Variants in SH3GL2 observed in about 807,000 individuals in gnomAD.
SH3GL2 encodes the protein endophilin-A1.
In SH3GL2, 24 loss-of-function variants were observed where a neutral mutation model predicts 46.0. The ratio of observed to expected loss-of-function variants is 0.52; its 90% CI spans 0.38 to 0.73. SH3GL2 has a LOEUF of 0.73. SH3GL2 is among the 30% of genes least tolerant of loss of function. The pLI, the probability that SH3GL2 is intolerant of heterozygous loss-of-function variation, is 0.00. For synonymous variants in SH3GL2, 196 were observed against 147.1 expected, an observed-to-expected ratio of 1.33 and a Z score of -2.40; for missense variants, 413 against 424.2, an observed-to-expected ratio of 0.97 and a Z score of 0.23.
chr9:17,785,016 A>AT (rs1823913598), intron 3 of SH3GL2, among the ~76,000 whole-genome samples: 2 of 152,306 alleles, frequency 1.3e-5, no homozygotes, highest in South Asian at 4.1e-4. Flanking sequence ...CTTAGCCTGC[A>AT]TTTTCTATTT....
At chr9:17,712,820 TATCCATCC>T (rs944601544) in intron 1 of SH3GL2, among the ~76,000 whole-genome samples, 5 of 151,590 alleles carry the variant, frequency 3.3e-5, no homozygotes, top group African/African-American at 9.7e-5. Flanking sequence ...TCTATCTGTA[TATCCATCC>T]ATCCATCCAA....
chr9:17,684,751 A>T (rs560345115), intron 1 of SH3GL2, among the ~76,000 whole-genome samples: 28 of 152,286 alleles, frequency 1.8e-4, no homozygotes, highest in African/African-American at 6.7e-4. Context: ...AGATGAGTCA[A>T]AGCAGACTTC....
chr9:17,653,352 A>G (rs1439341853), intron 1 of SH3GL2, among the ~76,000 whole-genome samples: 1 of 152,054 alleles, frequency 6.6e-6, no homozygotes, highest in African/African-American at 2.4e-5. Flanking sequence ...CCATCTGTTT[A>G]CTTTCCTCTA....
intron 3 of SH3GL2, among the ~76,000 whole-genome samples, chr9:17,770,896 C>T (rs1408733122): frequency 6.6e-6 from 1 of 152,158 alleles, no homozygotes; most frequent in Non-Finnish European, 1.5e-5. Flanking sequence ...TGGATGCAGA[C>T]TTCTCCCCTC....
chr9:17,695,783 T>A (rs73645139), intron 1 of SH3GL2, among the ~76,000 whole-genome samples: 28,364 of 149,126 alleles, frequency 0.19, 4,851 homozygotes, highest in African/African-American at 0.46. Context: ...CAGATTTTTT[T>A]AAAAATGGAA....
chr9:17,736,349 G>A (rs1822334953), intron 1 of SH3GL2, among the ~76,000 whole-genome samples: 1 of 151,934 alleles, frequency 6.6e-6, no homozygotes, highest in African/African-American at 2.4e-5. Flanking sequence ...TATATTTTTG[G>A]TCCTAATTTG....
chr9:17,614,543 A>G (rs1161448228), intron 1 of SH3GL2, among the ~76,000 whole-genome samples: 2 of 152,228 alleles, frequency 1.3e-5, no homozygotes, highest in East Asian at 1.9e-4. Flanking sequence ...GGGCAAACTC[A>G]GGGGGAAAAG....
chr9:17,686,541 A>C lies in SH3GL2; in HGVS notation c.46-60525A>C, dbSNP rs1331161752. 3.5e-4 allele frequency among the ~76,000 whole-genome samples: 52 copies of C among 148,016 alleles called. 1 individual carries two copies. Among genetic ancestry groups the C allele is most frequent in the Non-Finnish European group, 4.5e-5 (3 of 66,928 alleles). ...ATAGCAAAGACTTGGAACCAACCCA[A>C]ATGTCCAACAATGATAGACTGGATT... is the stretch of plus-strand genomic sequence containing the variant. On this transcript the variant is annotated intron_variant, in intron 1 of 8. Transcript: ENST00000380607.
chr9:17,579,187 GTCCCCCTCC>G lies in SH3GL2; in HGVS notation c.-55_-47del. The G allele has an allele frequency of 1.5e-6, 2 of 1,373,662 alleles. No homozygotes were observed. The highest frequency in any genetic ancestry group is 2.0e-6 in the Non-Finnish European group (2 of 1,012,862). 85.1% of individuals were successfully genotyped at this position (1,373,662 alleles called of 1,614,324 possible). On this transcript the variant is annotated 5_prime_UTR_variant, in exon 1 of 9. Transcript: ENST00000380607. ...GCGCGCCGCCCCGCTCGGCCCTCCAGTCCCCCTCCGCCTCCTCCCTCCCGCACAGCAGCC... is the reference window on the plus strand; with the variant it reads ...GCGCGCCGCCCCGCTCGGCCCTCCAGGCCTCCTCCCTCCCGCACAGCAGCC...
chr9:17,750,917 C>T (rs1247123806), intron 2 of SH3GL2, among the ~76,000 whole-genome samples: 1 of 152,124 alleles, frequency 6.6e-6, no homozygotes, highest in Non-Finnish European at 1.5e-5. Flanking sequence ...GAACATAGTG[C>T]TTGGTGTCCT....
chr9:17,640,836 T>G (rs1459174101), intron 1 of SH3GL2, among the ~76,000 whole-genome samples: 1 of 152,236 alleles, frequency 6.6e-6, no homozygotes, highest in African/African-American at 2.4e-5. Context: ...TAACATATCC[T>G]TTAGGCCTAA....
Position 17,635,515 on chromosome 9 carries a change from C to T in SH3GL2, c.45+56228C>T, listed in dbSNP as rs113027560. ...GCACGTGGCTGACTCATTGAGGAGT[C>T]CTGGGTTTGAACTGCTTTATCTGTA... is the stretch of plus-strand genomic sequence containing the variant. On this transcript the variant is annotated intron_variant, in intron 1 of 8. Coordinates refer to ENST00000380607, the MANE Select transcript of SH3GL2 (RefSeq NM_003026.5). Among the ~76,000 whole-genome samples the T allele has an allele frequency of 7.9e-3, 1,202 of 152,192 alleles. 25 individuals are homozygous for T. The highest frequency in any genetic ancestry group is 0.027 in the African/African-American group (1,113 of 41,532).
chr9:17,676,536 T>A (rs150500729), intron 1 of SH3GL2, among the ~76,000 whole-genome samples: 11 of 151,910 alleles, frequency 7.2e-5, no homozygotes, highest in African/African-American at 2.7e-4. Flanking sequence ...AACCCAGGAG[T>A]TGGAGGTTGC....
intron 1 of SH3GL2, among the ~76,000 whole-genome samples, chr9:17,660,960 G>A (rs1163986924): frequency 2.0e-5 from 3 of 152,048 alleles, no homozygotes; most frequent in Admixed American, 6.6e-5. Context: ...CCAGGAGTTC[G>A]AGACCAGCCT....
At chr9:17,717,993 C>A (rs1414749358) in intron 1 of SH3GL2, among the ~76,000 whole-genome samples, 1 of 152,046 alleles carries the variant, frequency 6.6e-6, no homozygotes, top group Non-Finnish European at 1.5e-5. Context: ...CATTTTCTTC[C>A]TGCTGTTGCA....
chr9:17,622,986 G>GTTTCCTTTCCTTTCC (rs1210987554), intron 1 of SH3GL2, among the ~76,000 whole-genome samples: 1,524 of 98,084 alleles, frequency 0.016, 66 homozygotes, highest in Non-Finnish European at 0.019. Flanking sequence ...GTTTCCTTTC[G>GTTTCCTTTCCTTTCC]TTTCCTTTCC....
intron 1 of SH3GL2, among the ~76,000 whole-genome samples, chr9:17,645,109 G>A (rs1426544827): frequency 7.8e-6 from 1 of 127,974 alleles, no homozygotes; most frequent in Non-Finnish European, 1.7e-5. Flanking sequence ...ATCTTTGTTG[G>A]TTTAAAGTCT....
rs150130309 is a variant in SH3GL2, at chr9:17,715,796, A to G, written c.46-31270A>G. Among the ~76,000 whole-genome samples the G allele has an allele frequency of 7.2e-5, 11 of 152,164 alleles. No individual in the cohort carries two copies. In the East Asian group the frequency reaches 1.9e-3, roughly 27 times the overall value. On this transcript the variant is annotated intron_variant, in intron 1 of 8. Coordinates refer to ENST00000380607, the MANE Select transcript of SH3GL2 (RefSeq NM_003026.5). The stretch of plus-strand genomic sequence containing the variant: ...ATTTCATACACCTAATATACCAAAC[A>G]TTATAGCTTAGCCTAGCCTACCTTA...
chr9:17,720,357 C>T (rs966296211), intron 1 of SH3GL2, among the ~76,000 whole-genome samples: 4 of 152,062 alleles, frequency 2.6e-5, no homozygotes, highest in African/African-American at 7.2e-5. Flanking sequence ...AAGAATGATT[C>T]GCAAATCAGG....
Sources: allele counts gnomAD v4.1 joint callset (sites outside exome capture counted in the v4.1 genomes callset), GRCh38; gene constraint gnomAD v4.1.1; transcripts MANE v1.5; gene names NCBI Gene and HGNC (gene_info 2026-07-23, HGNC 2026-07-21).